The following STK32B variants were observed in gnomAD, a reference collection of about 807,000 sequenced individuals.
STK32B encodes serine/threonine kinase 32B.
A neutral mutation model predicts 52.6 loss-of-function variants in STK32B; 43 were observed. That is an observed-to-expected ratio of 0.82 (90% confidence interval 0.64 to 1.05). STK32B has a LOEUF of 1.05. STK32B is among the 50% of genes least tolerant of loss of function. The pLI, the probability that STK32B is intolerant of heterozygous loss-of-function variation, is 0.00. For missense variants in STK32B, 621 were observed against 534.6 expected, an observed-to-expected ratio of 1.16 and a Z score of -1.59; for synonymous variants, 238 against 204.3, an observed-to-expected ratio of 1.17 and a Z score of -1.41.
intron 1 of STK32B, among the ~76,000 whole-genome samples, chr4:5,103,308 T>G (rs1046526168): frequency 1.3e-4 from 20 of 152,080 alleles, no homozygotes; most frequent in Non-Finnish European, 2.6e-4. Context: ...CCTTCTCCCT[T>G]CCCAGAGCTT....
At position 5,397,405 on chromosome 4, in the gene STK32B, G is replaced by C. The variant is rs934095126; in HGVS notation, c.435-802G>C. Among the ~76,000 whole-genome samples, 6 of 152,298 alleles carry C rather than the reference G, an allele frequency of 3.9e-5. No homozygotes were observed. In the East Asian group the frequency reaches 1.2e-3, roughly 29 times the overall value. On this transcript the variant is annotated intron_variant, in intron 4 of 11. Transcript: ENST00000282908. ...GCGCTGTGCTAGGTACAGGCATGTGGACGTAAAGAAAGCAAAGCCTCAGCC... is the reference window on the plus strand; with the variant it reads ...GCGCTGTGCTAGGTACAGGCATGTGCACGTAAAGAAAGCAAAGCCTCAGCC...
At chr4:5,320,982 G>C (rs1263204615) in intron 3 of STK32B, among the ~76,000 whole-genome samples, 2 of 152,164 alleles carry the variant, frequency 1.3e-5, no homozygotes, top group African/African-American at 4.8e-5. Flanking sequence ...TGAATGATGA[G>C]AAGTGCATCA....
intron 11 of STK32B, among the ~76,000 whole-genome samples, chr4:5,468,428 A>G (rs1391481728): frequency 6.6e-6 from 1 of 152,206 alleles, no homozygotes; most frequent in East Asian, 1.9e-4. Context: ...TGGCTCTGCC[A>G]CTGCAGAGTG....
At chr4:5,431,393 T>C (rs147030092) in intron 6 of STK32B, among the ~76,000 whole-genome samples, 1 of 152,312 alleles carries the variant, frequency 6.6e-6, no homozygotes, top group African/African-American at 2.4e-5. Context: ...TTTTCTGTCA[T>C]CCCATACGCT....
At chr4:5,284,788 C>T (rs1434625400) in intron 3 of STK32B, among the ~76,000 whole-genome samples, 4 of 152,118 alleles carry the variant, frequency 2.6e-5, no homozygotes, top group Non-Finnish European at 4.4e-5. Flanking sequence ...CAGTAAATTG[C>T]GTATCACAGA....
chr4:5,283,019 C>T (rs552508952), intron 3 of STK32B, among the ~76,000 whole-genome samples: 17 of 152,202 alleles, frequency 1.1e-4, no homozygotes, highest in African/African-American at 4.1e-4. Flanking sequence ...GTCTCAAAAC[C>T]TATCCTTTCT....
intron 2 of STK32B, among the ~76,000 whole-genome samples, chr4:5,144,233 T>C (rs1407290442): frequency 1.8e-4 from 27 of 152,324 alleles, no homozygotes; most frequent in South Asian, 6.2e-4. Context: ...CATTCATGCA[T>C]GCACTTTGAG....
chr4:5,346,850 CT>C (rs1733498912), intron 4 of STK32B, among the ~76,000 whole-genome samples: 1 of 152,186 alleles, frequency 6.6e-6, no homozygotes, highest in Non-Finnish European at 1.5e-5. Context: ...ACTCACGGTT[CT>C]TCATGGCCGG....
chr4:5,403,883 G>T (rs1737478191), intron 5 of STK32B, among the ~76,000 whole-genome samples: 2 of 152,142 alleles, frequency 1.3e-5, no homozygotes, highest in African/African-American at 4.8e-5. Flanking sequence ...AGATGTTTCT[G>T]TTAAGCCTGA....
chr4:5,114,815 G>A (rs1185048373), intron 1 of STK32B, among the ~76,000 whole-genome samples: 1 of 152,126 alleles, frequency 6.6e-6, no homozygotes, highest in Non-Finnish European at 1.5e-5. Flanking sequence ...CTCTAACTGG[G>A]AGAACCCAGG....
intron 6 of STK32B, among the ~76,000 whole-genome samples, chr4:5,418,127 C>G (rs1440189023): frequency 6.6e-6 from 1 of 152,338 alleles, no homozygotes; most frequent in South Asian, 2.1e-4. Context: ...GGCTGATGCA[C>G]TGGGGAACCA....
chr4:5,490,250 G>C (rs574475249), intron 11 of STK32B, among the ~76,000 whole-genome samples: 28 of 152,158 alleles, frequency 1.8e-4, no homozygotes, highest in Non-Finnish European at 4.0e-4. Context: ...GGGATTACAG[G>C]TGTGTGCCAC....
intron 3 of STK32B, among the ~76,000 whole-genome samples, chr4:5,284,138 G>A (rs1438990963): frequency 6.6e-6 from 1 of 152,036 alleles, no homozygotes; most frequent in Non-Finnish European, 1.5e-5. Context: ...GTGATTAAAG[G>A]CACATTTTTA....
chr4:5,448,619 CTATTT>C (rs929983831), intron 7 of STK32B, among the ~76,000 whole-genome samples: 22 of 152,166 alleles, frequency 1.4e-4, no homozygotes, highest in African/African-American at 5.3e-4. Flanking sequence ...CACAAATAAA[CTATTT>C]TATTTTATTT....
intron 2 of STK32B, among the ~76,000 whole-genome samples, chr4:5,166,377 C>A (rs1415632830): frequency 2.0e-5 from 3 of 151,340 alleles, no homozygotes; most frequent in East Asian, 3.9e-4. Context: ...CTTGATGGAA[C>A]GGTGTCCCAC....
intron 4 of STK32B, among the ~76,000 whole-genome samples, chr4:5,384,090 G>A (rs899520633): frequency 1.4e-4 from 21 of 152,218 alleles, no homozygotes; most frequent in African/African-American, 4.8e-4. Flanking sequence ...CCATAGCGGG[G>A]GACAATGCTT....
chr4:5,027,081 A>G, the STK32B span, among the ~76,000 whole-genome samples: 1 of 152,178 alleles, frequency 6.6e-6, no homozygotes, highest in Non-Finnish European at 1.5e-5. Context: ...CTGAATACCT[A>G]GCCGGACATT....
At chr4:5,158,752 A>T (rs555196205) in intron 2 of STK32B, among the ~76,000 whole-genome samples, 1 of 151,968 alleles carries the variant, frequency 6.6e-6, no homozygotes, top group East Asian at 1.9e-4. Context: ...GCGTCCTCAC[A>T]TGGTCATCCC....
At chr4:5,493,028 G>T (rs1156530269) in intron 11 of STK32B, among the ~76,000 whole-genome samples, 1 of 151,388 alleles carries the variant, frequency 6.6e-6, no homozygotes, top group Non-Finnish European at 1.5e-5. Context: ...AAGGATATTG[G>T]TCTAAAATTC....
Sources: allele counts gnomAD v4.1 joint callset (sites outside exome capture counted in the v4.1 genomes callset), GRCh38; gene constraint gnomAD v4.1.1; transcripts MANE v1.5; gene names NCBI Gene and HGNC (gene_info 2026-07-23, HGNC 2026-07-21).